The following GALNT1 variants were observed in gnomAD, a reference collection of about 807,000 sequenced individuals.
The protein encoded by GALNT1 is polypeptide N-acetylgalactosaminyltransferase 1.
In GALNT1, 17 loss-of-function variants were observed where a neutral mutation model predicts 65.7. The ratio of observed to expected loss-of-function variants is 0.26; its 90% CI spans 0.18 to 0.39. The LOEUF (loss-of-function observed/expected upper bound fraction) is 0.39. Among genes scored for constraint, GALNT1 ranks in the 10% least tolerant of loss-of-function variants. The pLI is 1.00. For synonymous variants in GALNT1, 210 were observed against 219.7 expected (o/e 0.96, Z 0.39); for missense variants, 460 against 672.8 (o/e 0.68, Z 3.50).
At chr18:35,676,954 T>C (rs2047719612) in intron 3 of GALNT1, among the ~76,000 whole-genome samples, 1 of 152,218 alleles carries the variant, frequency 6.6e-6, no homozygotes, top group South Asian at 2.1e-4. Context: ...CAGGCATAAA[T>C]AGTCTTTAGT....
intron 6 of GALNT1, among the ~76,000 whole-genome samples, chr18:35,688,057 A>G (rs189903203): frequency 2.1e-3 from 327 of 152,248 alleles, no homozygotes; most frequent in Non-Finnish European, 3.8e-3. Context: ...TTCACTATCT[A>G]AATCAGGGGT....
intron 1 of GALNT1, among the ~76,000 whole-genome samples, chr18:35,611,511 C>T (rs1346587262): frequency 6.6e-6 from 1 of 152,134 alleles, no homozygotes; most frequent in Non-Finnish European, 1.5e-5. Flanking sequence ...TGTTATCTAA[C>T]TCAGGTTTTT....
At chr18:35,696,170 TAA>T (rs1168224192) in intron 9 of GALNT1, among the ~76,000 whole-genome samples, 3 of 152,190 alleles carry the variant, frequency 2.0e-5, no homozygotes, top group African/African-American at 7.2e-5. Context: ...TCCTACAGGT[TAA>T]AAGTGTCATT....
intron 9 of GALNT1, among the ~76,000 whole-genome samples, chr18:35,698,856 G>A (rs780131822): frequency 3.3e-5 from 5 of 151,922 alleles, no homozygotes; most frequent in African/African-American, 9.7e-5. Context: ...GGTGGCAGGC[G>A]CCTGTAATCC....
chr18:35,632,759 A>C (rs1002299634), intron 1 of GALNT1, among the ~76,000 whole-genome samples: 1 of 152,198 alleles, frequency 6.6e-6, no homozygotes, highest in Non-Finnish European at 1.5e-5. Context: ...CAGAGTGAAC[A>C]GGCAACCTAC....
intron 3 of GALNT1, among the ~76,000 whole-genome samples, chr18:35,675,784 G>T (rs1292927439): frequency 1.1e-4 from 16 of 152,112 alleles, no homozygotes; most frequent in Admixed American, 9.8e-4. Flanking sequence ...GGATTCACTT[G>T]GGAAAAGAGA....
intron 1 of GALNT1, among the ~76,000 whole-genome samples, chr18:35,631,984 A>T (rs1244708855): frequency 6.6e-6 from 1 of 152,202 alleles, no homozygotes; most frequent in East Asian, 1.9e-4. Flanking sequence ...TAGGAATCCA[A>T]CTTACAAGGG....
intron 3 of GALNT1, among the ~76,000 whole-genome samples, chr18:35,675,136 C>A (rs1035112360): frequency 7.9e-5 from 12 of 152,118 alleles, no homozygotes; most frequent in African/African-American, 2.9e-4. Flanking sequence ...CATCCCCCTA[C>A]CCACTTCAAA....
chr18:35,648,046 AGAAGG>A (rs2047254952), intron 1 of GALNT1, among the ~76,000 whole-genome samples: 1 of 146,710 alleles, frequency 6.8e-6, no homozygotes, highest in Admixed American at 6.9e-5. Context: ...AAGAAGAAGA[AGAAGG>A]AAGGGAGGAA....
chr18:35,649,960 G>C (rs933385440), intron 1 of GALNT1, among the ~76,000 whole-genome samples: 1 of 152,122 alleles, frequency 6.6e-6, no homozygotes, highest in Non-Finnish European at 1.5e-5. Flanking sequence ...CAGTGCCTTT[G>C]CTGTGCCGAA....
intron 3 of GALNT1, among the ~76,000 whole-genome samples, chr18:35,668,847 A>T (rs1598800637): frequency 6.6e-6 from 1 of 152,234 alleles, no homozygotes; most frequent in African/African-American, 2.4e-5. Flanking sequence ...TAAAATTTAG[A>T]TGAAATTAGT....
intron 1 of GALNT1, among the ~76,000 whole-genome samples, chr18:35,618,728 A>T (rs1387450204): frequency 6.6e-6 from 1 of 151,920 alleles, no homozygotes; most frequent in African/African-American, 2.4e-5. Context: ...ATTGTACTGC[A>T]CTGTTTTTGT....
At chr18:35,647,225 A>T (rs2144339467) in intron 1 of GALNT1, among the ~76,000 whole-genome samples, 1 of 152,304 alleles carries the variant, frequency 6.6e-6, no homozygotes, top group South Asian at 2.1e-4. Flanking sequence ...ACAAAGTCAA[A>T]TCTATTATAG....
chr18:35,594,313 G>A (rs2046479020), intron 1 of GALNT1, among the ~76,000 whole-genome samples: 3 of 152,198 alleles, frequency 2.0e-5, no homozygotes, highest in Admixed American at 2.0e-4. Flanking sequence ...GAACAAGGGA[G>A]TGTGAGGTAA....
chr18:35,705,458 A>G (rs879727786), intron 11 of GALNT1, among the ~76,000 whole-genome samples: 4 of 152,214 alleles, frequency 2.6e-5, no homozygotes, highest in East Asian at 3.8e-4. Flanking sequence ...ATGTCAGGCT[A>G]TAGAAAAAAT....
intron 3 of GALNT1, among the ~76,000 whole-genome samples, chr18:35,675,935 G>T (rs1325471092): frequency 6.6e-6 from 1 of 152,144 alleles, no homozygotes. Context: ...GATACAGCTT[G>T]CTCAGCTATG....
chr18:35,657,231 A>G (rs1796326744), intron 2 of GALNT1, among the ~76,000 whole-genome samples: 1 of 152,064 alleles, frequency 6.6e-6, no homozygotes, highest in South Asian at 2.1e-4. Flanking sequence ...GAGTACCTGC[A>G]GTTACAGGCG....
chr18:35,628,263 T>C (rs771908710), intron 1 of GALNT1, among the ~76,000 whole-genome samples: 6 of 152,160 alleles, frequency 3.9e-5, no homozygotes, highest in African/African-American at 7.2e-5. Context: ...ATGGACAGAC[T>C]GCCTCCTCAA....
chr18:35,609,160 G>T (rs911586261), intron 1 of GALNT1, among the ~76,000 whole-genome samples: 9 of 152,152 alleles, frequency 5.9e-5, no homozygotes, highest in Non-Finnish European at 1.3e-4. Context: ...GCCACTGGTG[G>T]TGTGTTTTAC....
Sources: gnomAD v4.1 joint callset for allele counts (sites outside exome capture counted in the v4.1 genomes callset) on GRCh38, gnomAD v4.1.1 for gene constraint, MANE v1.5 for transcripts, NCBI Gene and HGNC (gene_info 2026-07-23, HGNC 2026-07-21) for gene names.